GDPD1: variants seen among roughly 807,000 people sequenced by gnomAD.
GDPD1 encodes the protein glycerophosphodiester phosphodiesterase domain containing 1.
GDPD1 carries 28 observed loss-of-function variants against 45.1 expected under a neutral mutation model. The observed-to-expected ratio is 0.62, with a 90% confidence interval of 0.46 to 0.85. The LOEUF (loss-of-function observed/expected upper bound fraction) is 0.85. GDPD1 is among the 40% of genes least tolerant of loss of function. GDPD1 has a pLI of 0.00. For synonymous variants in GDPD1, 139 were observed against 131.4 expected (o/e 1.06, Z -0.40); for missense variants, 256 against 364.8 (o/e 0.70, Z 2.43).
intron 4 of GDPD1, among the ~76,000 whole-genome samples, chr17:59,252,729 G>A (rs1336620462): frequency 6.7e-6 from 1 of 148,570 alleles, no homozygotes; most frequent in Non-Finnish European, 1.5e-5. Flanking sequence ...GCCTGGTGCG[G>A]TGGCTCACGC....
intron 1 of GDPD1, among the ~76,000 whole-genome samples, chr17:59,221,352 T>C (rs532584801): frequency 2.1e-4 from 32 of 151,418 alleles, no homozygotes; most frequent in African/African-American, 7.3e-4. Context: ...AAGGTCACAA[T>C]TAGAGCTAGG....
At chr17:59,263,005 CAAAT>C (rs1482274372) in intron 6 of GDPD1, among the ~76,000 whole-genome samples, 1 of 152,102 alleles carries the variant, frequency 6.6e-6, no homozygotes, top group African/African-American at 2.4e-5. Flanking sequence ...TACACACACA[CAAAT>C]GAATGCGGTG....
chr17:59,237,957 C>T (rs140836767), intron 2 of GDPD1, among the ~76,000 whole-genome samples: 22 of 123,620 alleles, frequency 1.8e-4, no homozygotes, highest in African/African-American at 6.8e-4. Flanking sequence ...AGCAAGACTC[C>T]GTCTTAAAAA....
chr17:59,249,536 C>A (rs1373437556), intron 4 of GDPD1, among the ~76,000 whole-genome samples: 2 of 152,148 alleles, frequency 1.3e-5, no homozygotes, highest in Non-Finnish European at 2.9e-5. Context: ...AATGATTAAA[C>A]AGACTTCTGT....
chr17:59,271,900 G>A (rs1184972855), intron 8 of GDPD1, among the ~76,000 whole-genome samples: 1 of 152,094 alleles, frequency 6.6e-6, no homozygotes, highest in African/African-American at 2.4e-5. Flanking sequence ...CTCCCAAAGT[G>A]CTGGGATTAC....
intron 1 of GDPD1, among the ~76,000 whole-genome samples, chr17:59,232,626 T>A (rs1032531425): frequency 3.9e-5 from 6 of 152,116 alleles, no homozygotes; most frequent in African/African-American, 1.4e-4. Flanking sequence ...GATGTTAACA[T>A]GGCATAAAAA....
chr17:59,241,107 T>G (rs2047171904), intron 2 of GDPD1, among the ~76,000 whole-genome samples: 1 of 152,240 alleles, frequency 6.6e-6, no homozygotes, highest in African/African-American at 2.4e-5. Flanking sequence ...CATAGATGTT[T>G]AAATACCATC....
intron 3 of GDPD1, among the ~76,000 whole-genome samples, chr17:59,247,474 C>A (rs912715007): frequency 6.6e-6 from 1 of 152,100 alleles, no homozygotes; most frequent in Non-Finnish European, 1.5e-5. Context: ...TGGAATCATA[C>A]TGTATTTGGC....
At chr17:59,267,666 GT>G (rs1306735883) in intron 7 of GDPD1, among the ~76,000 whole-genome samples, 2 of 150,816 alleles carry the variant, frequency 1.3e-5, no homozygotes, top group Admixed American at 1.3e-4. Flanking sequence ...TTTTATAGTG[GT>G]TTTTTGTTTT....
rs926202147 is a variant in GDPD1 at position 59,220,535 on chromosome 17, C to T, written c.-75C>T. 6 of 1,522,150 alleles carry T rather than the reference C, an allele frequency of 3.9e-6. No homozygotes were observed. The highest frequency in any genetic ancestry group is 1.9e-5 in the Admixed American group (1 of 53,370). 94.3% of individuals were successfully genotyped at this position (1,522,150 alleles called of 1,614,324 possible). On this transcript the variant is annotated 5_prime_UTR_variant, in exon 1 of 10. Transcript: ENST00000284116. ...CGAGCCGACCTCGAGCAGCCGCCGC[C>T]GCCGCCGTCGTTGCTACTGCCGCAG...
intron 1 of GDPD1, among the ~76,000 whole-genome samples, chr17:59,228,648 T>C (rs1273572107): frequency 1.3e-5 from 2 of 151,728 alleles, no homozygotes; most frequent in Non-Finnish European, 2.9e-5. Context: ...ACTGTGAAGC[T>C]GAGGCAGGAG....
At chr17:59,232,444 C>T (rs1055169114) in intron 1 of GDPD1, among the ~76,000 whole-genome samples, 2 of 147,064 alleles carry the variant, frequency 1.4e-5, no homozygotes, top group East Asian at 2.0e-4. Context: ...AGCGAGACTC[C>T]GTCTCAAAAA....
chr17:59,229,609 C>A (rs2047073968), intron 1 of GDPD1, among the ~76,000 whole-genome samples: 1 of 151,986 alleles, frequency 6.6e-6, no homozygotes, highest in Non-Finnish European at 1.5e-5. Flanking sequence ...GTTATCCGCC[C>A]GCCTCGGCCT....
At chr17:59,262,084 AT>A (rs535011455) in intron 6 of GDPD1, among the ~76,000 whole-genome samples, 10 of 148,386 alleles carry the variant, frequency 6.7e-5, no homozygotes, top group African/African-American at 7.5e-5. Flanking sequence ...CGCCCGGCTA[AT>A]TTTTTTTTGT....
chr17:59,261,779 A>G (rs1367684574), intron 6 of GDPD1, among the ~76,000 whole-genome samples: 2 of 151,744 alleles, frequency 1.3e-5, no homozygotes, highest in African/African-American at 4.8e-5. Context: ...GACTACAGGT[A>G]TGTACCACCA....
intron 4 of GDPD1, among the ~76,000 whole-genome samples, chr17:59,256,680 T>C (rs1369472648): frequency 6.6e-6 from 1 of 152,182 alleles, no homozygotes; most frequent in Non-Finnish European, 1.5e-5. Context: ...TCAATGTCAG[T>C]ATCATGGTTG....
chr17:59,223,951 T>C (rs935779310), intron 1 of GDPD1, among the ~76,000 whole-genome samples: 16 of 152,092 alleles, frequency 1.1e-4, no homozygotes, highest in African/African-American at 3.9e-4. Flanking sequence ...CAGATGGCTC[T>C]TTCTCTCTCC....
intron 6 of GDPD1, among the ~76,000 whole-genome samples, chr17:59,262,282 CCTATA>C (rs1687035587): frequency 6.6e-6 from 1 of 152,032 alleles, no homozygotes; most frequent in Non-Finnish European, 1.5e-5. Flanking sequence ...TTCCCTAAAA[CCTATA>C]CATGAATGTT....
chr17:59,220,945 C>T (rs956142573), intron 1 of GDPD1, among the ~76,000 whole-genome samples, 194 bp downstream of exon 1: 1 of 151,934 alleles, frequency 6.6e-6, no homozygotes, highest in Admixed American at 6.6e-5. Flanking sequence ...GAGGGATTCC[C>T]GGTCAGAGCC....
Sources: gnomAD v4.1 joint callset for allele counts (sites outside exome capture counted in the v4.1 genomes callset) on GRCh38, gnomAD v4.1.1 for gene constraint, MANE v1.5 for transcripts, NCBI Gene and HGNC (gene_info 2026-07-23, HGNC 2026-07-21) for gene names.